Variants in NELL1 observed in about 807,000 individuals in gnomAD.
The protein encoded by NELL1 is protein kinase C-binding protein NELL1.
NELL1 carries 76 observed loss-of-function variants against 107.4 expected under a neutral mutation model. That is an observed-to-expected ratio of 0.71 (90% CI 0.59 to 0.86). The LOEUF is 0.86. NELL1 is among the 40% of genes least tolerant of loss of function. The probability of loss-of-function intolerance (pLI) is 0.00; values close to 1 mark genes in which losing one functional copy is unlikely to be tolerated. For synonymous variants in NELL1, 353 were observed against 341.2 expected, an observed-to-expected ratio of 1.03 and a Z score of -0.38; for missense variants, 1,024 against 1,005.5, an observed-to-expected ratio of 1.02 and a Z score of -0.25.
chr11:20,941,654 A>G (rs1185125509), intron 10 of NELL1, among the ~76,000 whole-genome samples: 1 of 152,188 alleles, frequency 6.6e-6, no homozygotes, highest in East Asian at 1.9e-4. Flanking sequence ...TGTCAAACCT[A>G]TTCCTTTTCT....
At chr11:21,217,072 T>C (rs1857631128) in intron 13 of NELL1, among the ~76,000 whole-genome samples, 1 of 152,120 alleles carries the variant, frequency 6.6e-6, no homozygotes. Context: ...GCTCTTGTGA[T>C]AGTGAGTGAG....
At position 20,718,726 on chromosome 11, in the gene NELL1, G is replaced by A. The variant is rs2133905546; in HGVS notation, c.184+40666G>A. On this transcript the variant is annotated intron_variant, in intron 2 of 19. Coordinates refer to ENST00000357134, the MANE Select transcript of NELL1 (RefSeq NM_006157.5). The stretch of plus-strand genomic sequence containing the variant: ...TCATATCTGTAATCTTCGTTAGTCT[G>A]GATTCTAGAACTTAAGGCTCTAGAA... Among the ~76,000 whole-genome samples, 2 of 152,184 alleles carry A rather than the reference G, an allele frequency of 1.3e-5. 1 individual carries two copies. Among genetic ancestry groups the A allele is most frequent in the South Asian group, 4.1e-4 (2 of 4,824 alleles).
chr11:21,552,504 A>G (rs1856616172), intron 16 of NELL1, among the ~76,000 whole-genome samples: 1 of 151,666 alleles, frequency 6.6e-6, no homozygotes. Flanking sequence ...AACACAGAAA[A>G]AAAAGACAAA....
chr11:21,501,437 A>G lies in NELL1; in HGVS notation c.1646-32937A>G, dbSNP rs147280067. ...GATACTGTGTTTAAGATTTCACATTAGCATGTTTTTTCTTGGTATTGATGG... is the reference window on the plus strand; with the variant it reads ...GATACTGTGTTTAAGATTTCACATTGGCATGTTTTTTCTTGGTATTGATGG... On this transcript the variant is annotated intron_variant, in intron 15 of 19. Transcript: ENST00000357134. 5.0e-3 allele frequency among the ~76,000 whole-genome samples: 762 copies of G among 152,268 alleles called. 4 individuals carry two copies. The highest frequency in any genetic ancestry group is 0.017 in the Middle Eastern group (5 of 294).
intron 3 of NELL1, among the ~76,000 whole-genome samples, chr11:20,802,958 A>G (rs961412695): frequency 2.0e-5 from 3 of 152,150 alleles, no homozygotes; most frequent in African/African-American, 7.2e-5. Context: ...GTATTGCTGA[A>G]TTTAGTTTGC....
chr11:21,384,140 A>G (rs1396143944), intron 15 of NELL1, among the ~76,000 whole-genome samples: 1 of 151,970 alleles, frequency 6.6e-6, no homozygotes, highest in Non-Finnish European at 1.5e-5. Flanking sequence ...AGATGATGGC[A>G]TAAAACCTCT....
intron 12 of NELL1, among the ~76,000 whole-genome samples, chr11:20,986,042 C>T (rs1006013773): frequency 6.6e-6 from 1 of 152,122 alleles, no homozygotes; most frequent in Non-Finnish European, 1.5e-5. Flanking sequence ...ATGAGCTACA[C>T]TTGATATGAA....
chr11:21,525,449 C>A (rs1389113586), intron 15 of NELL1, among the ~76,000 whole-genome samples: 1 of 152,082 alleles, frequency 6.6e-6, no homozygotes, highest in East Asian at 1.9e-4. Context: ...TTTAAAATTG[C>A]CATTTGCCTA....
intron 2 of NELL1, among the ~76,000 whole-genome samples, chr11:20,737,481 C>T (rs527659705): frequency 2.2e-4 from 33 of 152,012 alleles, no homozygotes; most frequent in Admixed American, 2.0e-3. Flanking sequence ...TGATAATGCT[C>T]AAAAAGAATG....
At chr11:21,446,329 G>A (rs1853426480) in intron 15 of NELL1, among the ~76,000 whole-genome samples, 1 of 151,652 alleles carries the variant, frequency 6.6e-6, no homozygotes, top group Non-Finnish European at 1.5e-5. Flanking sequence ...TGTCTCTCTG[G>A]GATTTTTCCC....
intron 13 of NELL1, among the ~76,000 whole-genome samples, chr11:21,223,745 G>C (rs1857820806): frequency 6.6e-6 from 1 of 152,098 alleles, no homozygotes; most frequent in Non-Finnish European, 1.5e-5. Flanking sequence ...CTACCAGTGA[G>C]TTATACATGA....
At chr11:20,899,157 T>C (rs534902364) in intron 5 of NELL1, among the ~76,000 whole-genome samples, 33 of 151,986 alleles carry the variant, frequency 2.2e-4, no homozygotes, top group Admixed American at 9.8e-4. Flanking sequence ...TATATATATA[T>C]ACACACACAC....
chr11:21,306,684 T>A (rs185121724), intron 14 of NELL1, among the ~76,000 whole-genome samples: 18 of 152,160 alleles, frequency 1.2e-4, no homozygotes, highest in Non-Finnish European at 2.1e-4. Flanking sequence ...ATTCCCTCAT[T>A]TATCATAGGT....
intron 12 of NELL1, among the ~76,000 whole-genome samples, chr11:21,009,518 G>C (rs1317054497): frequency 6.6e-6 from 1 of 152,038 alleles, no homozygotes; most frequent in Non-Finnish European, 1.5e-5. Flanking sequence ...GCACAAGGGT[G>C]CATAATTGGT....
intron 15 of NELL1, among the ~76,000 whole-genome samples, chr11:21,382,611 A>T (rs1402476944): frequency 6.6e-6 from 1 of 151,934 alleles, no homozygotes; most frequent in East Asian, 1.9e-4. Context: ...TAACAAGAAT[A>T]GAATAGAAAT....
At chr11:20,870,466 A>G (rs1371055037) in intron 4 of NELL1, among the ~76,000 whole-genome samples, 1 of 152,158 alleles carries the variant, frequency 6.6e-6, no homozygotes, top group Non-Finnish European at 1.5e-5. Context: ...CTGTAACCTG[A>G]ACATGAAGGG....
At chr11:20,996,573 G>T (rs1269859853) in intron 12 of NELL1, among the ~76,000 whole-genome samples, 5 of 152,152 alleles carry the variant, frequency 3.3e-5, no homozygotes, top group Non-Finnish European at 7.4e-5. Context: ...GACCTCAGCA[G>T]CTGGATACTC....
intron 18 of NELL1, 34 bp from the exon 19 acceptor site, chr11:21,573,151 C>T (rs1470896502): frequency 6.5e-7 from 1 of 1,535,878 alleles, no homozygotes; most frequent in Non-Finnish European, 9.0e-7. Context: ...TGCATAGGAA[C>T]AATAATGAGA....
At chr11:21,422,256 T>G (rs957770369) in intron 15 of NELL1, among the ~76,000 whole-genome samples, 4 of 152,066 alleles carry the variant, frequency 2.6e-5, no homozygotes, top group Admixed American at 2.6e-4. Context: ...AAAAATATAC[T>G]AGAATGTAAT....
Sources: allele counts gnomAD v4.1 joint callset (sites outside exome capture counted in the v4.1 genomes callset), GRCh38; gene constraint gnomAD v4.1.1; transcripts MANE v1.5; gene names NCBI Gene and HGNC (gene_info 2026-07-23, HGNC 2026-07-21).